The following DNAH9 variants were observed in gnomAD, a reference collection of about 807,000 sequenced individuals.
DNAH9 encodes DNAH9 variant protein.
A neutral mutation model predicts 471.6 loss-of-function variants in DNAH9; 345 were observed. The observed-to-expected ratio is 0.73, with a 90% CI of 0.67 to 0.80. The LOEUF is 0.80. Among genes scored for constraint, DNAH9 ranks in the 30% least tolerant of loss-of-function variants. DNAH9 has a pLI of 0.00. For synonymous variants in DNAH9, 2,093 were observed against 2,123.6 expected (o/e 0.99, Z 0.40); for missense variants, 5,407 against 5,609.2 (o/e 0.96, Z 1.15).
Position 11,704,224 on chromosome 17 carries a change from A to G in DNAH9, c.5173A>G (p.Ile1725Val). 6.2e-7 allele frequency: 1 copy of G among 1,614,100 alleles called. No homozygotes were observed. The highest frequency in any genetic ancestry group is 1.1e-5 in the South Asian group (1 of 91,088). ...ACAGGTGGCCCTGACCTGTACTCAG[A>G]TCTGGTGGACAACAGAAGTGGGCAT... ...PAQVALTCTQ[I>V]WWTTEVGMAF... The change falls in exon 25 of 69, where the codon ATC (isoleucine) becomes GTC (valine). Residue 1725 changes from isoleucine to valine, a missense_variant. Around this residue, in one of 3 missense-constraint regions of DNAH9, gnomAD observed 4,636 missense variants for 4,900.3 expected, o/e 0.95. Transcript: ENST00000262442.
At chr17:11,703,306 A>C in intron 24 of DNAH9, among the ~76,000 whole-genome samples, 1 of 152,154 alleles carries the variant, frequency 6.6e-6, no homozygotes, top group Non-Finnish European at 1.5e-5. Flanking sequence ...ATGGGACATA[A>C]ACTCAAAGGG....
Position 11,701,266 on chromosome 17 carries a change from C to T in DNAH9, c.5151+19C>T. On this transcript the variant is annotated intron_variant, in intron 24 of 68. Transcript: ENST00000262442. ...AGCTCAGGTATTCTCCTAATGGGAT[C>T]CCCATCCTCCATGGTTGGGGCTGTC... 1 of 1,611,984 alleles carries T rather than the reference C, an allele frequency of 6.2e-7. No homozygotes were observed. Among genetic ancestry groups the T allele is most frequent in the Non-Finnish European group, 8.5e-7 (1 of 1,179,448 alleles).
At chr17:11,952,139 C>CTTTTT (rs71142258) in intron 67 of DNAH9, among the ~76,000 whole-genome samples, 1 of 101,998 alleles carries the variant, frequency 9.8e-6, no homozygotes, top group African/African-American at 3.9e-5. Context: ...AGCTATATTA[C>CTTTTT]TTTTTTTTTT....
chr17:11,688,176 T>C (rs1256254376), intron 19 of DNAH9, among the ~76,000 whole-genome samples: 1 of 150,270 alleles, frequency 6.7e-6, no homozygotes, highest in Non-Finnish European at 1.5e-5. Context: ...CAGGAACGCA[T>C]GCTTTGCTGT....
At chr17:11,929,807 A>G in intron 62 of DNAH9, 59 bp from the exon 63 acceptor site, 1 of 1,423,618 alleles carries the variant, frequency 7.0e-7, no homozygotes. Flanking sequence ...ACAACTATTT[A>G]CTGCTAACAG....
At chr17:11,790,153 T>C (rs184569334) in intron 41 of DNAH9, among the ~76,000 whole-genome samples, 1 of 152,134 alleles carries the variant, frequency 6.6e-6, no homozygotes, top group African/African-American at 2.4e-5. Flanking sequence ...AGATATTGGG[T>C]ATAGTTTTAT....
intron 67 of DNAH9, among the ~76,000 whole-genome samples, chr17:11,950,915 T>C (rs1459551667): frequency 1.3e-5 from 2 of 152,076 alleles, no homozygotes; most frequent in Non-Finnish European, 2.9e-5. Context: ...ACCAGGACAT[T>C]TCCATCACAC....
At position 11,762,763 on chromosome 17, in the gene DNAH9, TTTTTTTG is replaced by T. The variant is rs1967741373; in HGVS notation, c.6996-670_6996-664del. ...AAAATTGCCTCTTTAGGTGCGTTTTTTTTTTTGTTTTTTTTTTTTTTTTTTTTTTTTT... is the reference window on the plus strand; with the variant it reads ...AAAATTGCCTCTTTAGGTGCGTTTTTTTTTTTTTTTTTTTTTTTTTTTTTT... On this transcript the variant is annotated intron_variant, in intron 35 of 68. Coordinates refer to ENST00000262442, the MANE Select transcript of DNAH9 (RefSeq NM_001372.4). Among the ~76,000 whole-genome samples, 6 of 93,922 alleles carry T rather than the reference TTTTTTTG, an allele frequency of 6.4e-5. No individual in the cohort carries two copies. In the Admixed American group the frequency reaches 7.1e-4, roughly 11 times the overall value. 61.6% of individuals were successfully genotyped at this position (93,922 alleles called of 152,430 possible).
At chr17:11,716,082 C>CT (rs61643065) in intron 26 of DNAH9, among the ~76,000 whole-genome samples, 15,454 of 132,366 alleles carry the variant, frequency 0.12, 2,442 homozygotes, top group African/African-American at 0.36. Context: ...TTTTCTTTCT[C>CT]TTTTTTTTTT....
intron 59 of DNAH9, among the ~76,000 whole-genome samples, chr17:11,901,051 C>G (rs1380250226): frequency 6.6e-6 from 1 of 152,088 alleles, no homozygotes; most frequent in Non-Finnish European, 1.5e-5. Flanking sequence ...CTAGGAAGAG[C>G]AAAGGAGCTC....
At chr17:11,966,065 T>G (rs1243441624) in intron 68 of DNAH9, among the ~76,000 whole-genome samples, 1 of 152,158 alleles carries the variant, frequency 6.6e-6, no homozygotes, top group East Asian at 1.9e-4. Context: ...GACCCAAAAC[T>G]GCCCAAATTT....
At chr17:11,658,057 A>G (rs1347794972) in intron 14 of DNAH9, among the ~76,000 whole-genome samples, 5 of 152,112 alleles carry the variant, frequency 3.3e-5, no homozygotes, top group Non-Finnish European at 1.5e-5. Context: ...AGGGGGAAAA[A>G]GGCTAGATGT....
intron 14 of DNAH9, among the ~76,000 whole-genome samples, chr17:11,656,837 G>A (rs1005174264): frequency 6.6e-6 from 1 of 152,048 alleles, no homozygotes; most frequent in South Asian, 2.1e-4. Context: ...ATGGAATTAC[G>A]TAGCAAGTTC....
intron 12 of DNAH9, 113 bp downstream of exon 12, chr17:11,647,311 C>A: frequency 8.8e-7 from 1 of 1,130,572 alleles, no homozygotes. Flanking sequence ...TCACTCTTGT[C>A]GCCCAGGCTG....
Position 11,781,126 on chromosome 17 carries a change from C to T in DNAH9, c.7670C>T (p.Thr2557Met), listed in dbSNP as rs768788141. Reference sequence around the variant, plus strand: ...ATGCCTGAGGTGGATGCCTACGGGACGGTGCAGCCCCACACCATCATCCGG... The same window carrying T: ...ATGCCTGAGGTGGATGCCTACGGGATGGTGCAGCCCCACACCATCATCCGG... ...MNMPEVDAYG[T>M]VQPHTIIRQH... The change falls in exon 39 of 69, where the codon ACG becomes ATG. Residue 2557 changes from threonine to methionine, a missense_variant. Thr to Met is a moderately conservative substitution (Grantham distance 81). Transcript: ENST00000262442. The T allele has an allele frequency of 1.2e-5, 20 of 1,614,028 alleles. No homozygotes were observed. The highest frequency in any genetic ancestry group is 5.5e-5 in the South Asian group (5 of 91,080).
intron 49 of DNAH9, among the ~76,000 whole-genome samples, chr17:11,846,913 G>A (rs370681716): frequency 0.023 from 3,380 of 144,050 alleles, 46 homozygotes; most frequent in African/African-American, 0.044. Flanking sequence ...GGCTGAGACA[G>A]TGGGGTTTTC....
chr17:11,718,370 T>C (rs576214584), intron 26 of DNAH9, among the ~76,000 whole-genome samples: 46 of 152,396 alleles, frequency 3.0e-4, no homozygotes, highest in Admixed American at 2.6e-3. Context: ...TTTGCTGTTA[T>C]GAATACTGTT....
chr17:11,799,005 C>T (rs1184637099), intron 43 of DNAH9, among the ~76,000 whole-genome samples: 1 of 152,164 alleles, frequency 6.6e-6, no homozygotes, highest in African/African-American at 2.4e-5. Context: ...AATCACTCCC[C>T]ATCATCCGCT....
At chr17:11,759,718 G>A (rs1165529004) in intron 35 of DNAH9, among the ~76,000 whole-genome samples, 12 of 144,978 alleles carry the variant, frequency 8.3e-5, no homozygotes, top group Non-Finnish European at 1.6e-4. Context: ...TCAGAGTCTC[G>A]CTCTGTAGAC....
Sources: allele counts gnomAD v4.1 joint callset (sites outside exome capture counted in the v4.1 genomes callset), GRCh38; gene constraint gnomAD v4.1.1; regional missense constraint gnomAD v4.1.1; transcripts MANE v1.5; gene names NCBI Gene and HGNC (gene_info 2026-07-23, HGNC 2026-07-21).